The following FAT4 variants were observed in gnomAD, a reference collection of about 807,000 sequenced individuals.
FAT4 encodes FAT atypical cadherin 4.
A neutral mutation model predicts 303.9 loss-of-function variants in FAT4; 84 were observed. The ratio of observed to expected loss-of-function variants is 0.28; its 90% CI spans 0.23 to 0.33. FAT4 has a LOEUF of 0.33. FAT4 is among the 10% of genes least tolerant of loss of function. The probability of loss-of-function intolerance (pLI) is 1.00; values close to 1 mark genes in which losing one functional copy is unlikely to be tolerated. For missense variants in FAT4, 6,005 were observed against 6,146.8 expected (o/e 0.98, Z 0.77); for synonymous variants, 2,307 against 2,298.8 (o/e 1.00, Z -0.10).
At position 125,416,614 on chromosome 4, in the gene FAT4, C is replaced by T. The variant is rs1441794239; in HGVS notation, c.7010C>T (p.Thr2337Ile). ...KERFVLMITA[T>I]DSGSPALTGT... ...CGCTTTGTCTTAATGATTACAGCTA[C>T]AGATTCAGGTAAGTCCATTACACCC... The change falls in exon 7 of 18, where the codon ACA becomes ATA. Residue 2337 changes from threonine (T) to isoleucine (I), a missense_variant. Thr to Ile is a moderately conservative substitution (Grantham distance 89, BLOSUM62 -1). Transcript: ENST00000394329. 1 of 1,613,568 alleles carries T rather than the reference C, an allele frequency of 6.2e-7. No homozygotes were observed. Among genetic ancestry groups the T allele is most frequent in the African/African-American group, 1.3e-5 (1 of 74,988 alleles).
At chr4:125,363,805 T>C (rs941428204) in intron 2 of FAT4, among the ~76,000 whole-genome samples, 1 of 152,140 alleles carries the variant, frequency 6.6e-6, no homozygotes, top group Non-Finnish European at 1.5e-5. Flanking sequence ...GTAGCTTATT[T>C]TTTAAAACTA....
chr4:125,424,325 A>T (rs1317046549), intron 7 of FAT4, among the ~76,000 whole-genome samples: 1 of 152,026 alleles, frequency 6.6e-6, no homozygotes, highest in African/African-American at 2.4e-5. Flanking sequence ...TTCTCAGGAG[A>T]TGTGATGGTT....
chr4:125,464,088 T>C (rs995928537), intron 11 of FAT4, among the ~76,000 whole-genome samples: 2 of 152,184 alleles, frequency 1.3e-5, no homozygotes, highest in African/African-American at 4.8e-5. Flanking sequence ...TATTTTTGTT[T>C]TTTACATTAG....
At chr4:125,398,409 C>A (rs1419293715) in intron 2 of FAT4, among the ~76,000 whole-genome samples, 2 of 152,126 alleles carry the variant, frequency 1.3e-5, no homozygotes, top group East Asian at 1.9e-4. Flanking sequence ...TTTTATACCA[C>A]CTCCTCTGTT....
chr4:125,360,924 T>A (rs1347344547), intron 2 of FAT4, among the ~76,000 whole-genome samples: 1 of 121,310 alleles, frequency 8.2e-6, no homozygotes, highest in African/African-American at 2.8e-5. Flanking sequence ...TTATTTATTT[T>A]ATTTATTTAT....
In FAT4 at chr4:125,479,784, C is replaced by A. The variant is rs922292500; in HGVS notation, c.12523C>A (p.His4175Asn). 1 of 1,602,776 alleles carries A rather than the reference C, an allele frequency of 6.2e-7. No individual in the cohort carries two copies. The highest frequency in any genetic ancestry group is 1.3e-5 in the African/African-American group (1 of 74,962). Reference protein sequence around the residue: ...EGACTRSPCQHGGTCMDYWSW... With the variant: ...EGACTRSPCQNGGTCMDYWSW... The stretch of plus-strand genomic sequence containing the variant: ...CGCTTGTACTCGCAGCCCATGCCAA[C>A]ATGGTGGCACATGTATGGATTACTG... The change falls in exon 15 of 18, where the codon CAT becomes AAT. Residue 4175 changes from histidine to asparagine, a missense_variant. By Grantham distance (68) the His-to-Asn change is moderately conservative. Transcript: ENST00000394329.
At chr4:125,473,445 C>T (rs1284620305) in intron 12 of FAT4, among the ~76,000 whole-genome samples, 1 of 152,016 alleles carries the variant, frequency 6.6e-6, no homozygotes, top group Non-Finnish European at 1.5e-5. Context: ...ATCCAGCATT[C>T]TCTGGAAGAA....
chr4:125,477,606 G>A (rs1325993056), intron 14 of FAT4, among the ~76,000 whole-genome samples: 2 of 151,428 alleles, frequency 1.3e-5, no homozygotes, highest in Non-Finnish European at 2.9e-5. Flanking sequence ...ACAGAGAGTT[G>A]TGAAGATTAA....
intron 10 of FAT4, among the ~76,000 whole-genome samples, chr4:125,456,478 T>G (rs981622483): frequency 2.6e-5 from 4 of 151,944 alleles, no homozygotes; most frequent in Admixed American, 1.3e-4. Context: ...TAAATCAAGT[T>G]TCAAATTCTG....
In FAT4 at chr4:125,491,086, G is replaced by A; in HGVS notation, c.14270G>A (p.Ser4757Asn). Residue 4757 changes from serine (S) to asparagine (N), a missense_variant, in exon 18 of 18, where the codon AGT becomes AAT. Ser to Asn is a conservative substitution (Grantham distance 46, BLOSUM62 1). Coordinates refer to ENST00000394329, the MANE Select transcript of FAT4 (RefSeq NM_001291303.3). ...ACAAGGCTGGGAAGGAGAAGCAAGA[G>A]TCCTCAGGCCATGGCATCACATGGT... Reference protein sequence around the residue: ...YATRLGRRSKSPQAMASHGSR... With the variant: ...YATRLGRRSKNPQAMASHGSR... The A allele has an allele frequency of 6.2e-7, 1 of 1,614,198 alleles. No individual in the cohort carries two copies. The highest frequency in any genetic ancestry group is 8.5e-7 in the Non-Finnish European group (1 of 1,180,038).
At position 125,393,270 on chromosome 4, in the gene FAT4, A is replaced by G. The variant is rs1057497104; in HGVS notation, c.5176-5514A>G. Among the ~76,000 whole-genome samples the G allele has an allele frequency of 1.2e-4, 19 of 152,308 alleles. No individual in the cohort carries two copies. The South Asian group carries it at 2.9e-3, about 23-fold the overall frequency. On this transcript the variant is annotated intron_variant, in intron 2 of 17. Transcript: ENST00000394329. ...GCAGAGAGGATATGCATTTAAGAAT[A>G]TGTTTAGAATTGTGGTTGAGGTGGC...
intron 11 of FAT4, among the ~76,000 whole-genome samples, chr4:125,465,333 T>C (rs934606302): frequency 3.9e-5 from 6 of 152,202 alleles, no homozygotes; most frequent in Non-Finnish European, 8.8e-5. Flanking sequence ...AAAAACTTTT[T>C]CTTTCTTTCA....
intron 2 of FAT4, among the ~76,000 whole-genome samples, chr4:125,323,287 T>A (rs538283767): frequency 1.2e-4 from 18 of 152,330 alleles, no homozygotes; most frequent in Admixed American, 5.2e-4. Context: ...GTGTCTTTTT[T>A]ATTTACCCAT....
chr4:125,316,668 G>T lies in FAT4; in HGVS notation c.257G>T (p.Ser86Ile). ...ESHALFAINS[S>I]TGALYTTSTI... ...CACGCCCTGTTTGCCATAAACAGTA[G>T]CACCGGAGCCCTGTACACCACCTCC... Residue 86 changes from serine to isoleucine, a missense_variant, in exon 2 of 18, where the codon AGC (serine) becomes ATC (isoleucine). Coordinates refer to ENST00000394329, the MANE Select transcript of FAT4 (RefSeq NM_001291303.3). This position sits in a 1 kb window ranked among gnomAD's most constrained non-coding sequence, Gnocchi z 5.7. 1.2e-6 allele frequency: 2 copies of T among 1,613,610 alleles called. No individual in the cohort carries two copies. The highest frequency in any genetic ancestry group is 1.1e-5 in the South Asian group (1 of 91,078).
At position 125,482,139 on chromosome 4, in the gene FAT4, T is replaced by C. The variant is rs184782697; in HGVS notation, c.12822+401T>C. Among the ~76,000 whole-genome samples the C allele has an allele frequency of 8.4e-4, 128 of 152,330 alleles. 1 individual carries two copies. Among genetic ancestry groups the C allele is most frequent in the African/African-American group, 2.9e-3 (122 of 41,586 alleles). ...CAATTATTTCAAATATTGATATGTA[T>C]ATGTCAATTGACAGGATTAGAATAA... On this transcript the variant is annotated intron_variant, in intron 16 of 17. Coordinates refer to ENST00000394329, the MANE Select transcript of FAT4 (RefSeq NM_001291303.3).
At chr4:125,374,891 A>G (rs1297580217) in intron 2 of FAT4, among the ~76,000 whole-genome samples, 1 of 152,222 alleles carries the variant, frequency 6.6e-6, no homozygotes, top group Non-Finnish European at 1.5e-5. Context: ...AAAAGAGCAC[A>G]TTTATTTCTA....
chr4:125,392,719 G>T (rs2126008067), intron 2 of FAT4, among the ~76,000 whole-genome samples: 1 of 152,220 alleles, frequency 6.6e-6, no homozygotes, highest in Non-Finnish European at 1.5e-5. Context: ...GGCAAGAAGT[G>T]AATAAAATGT....
intron 2 of FAT4, among the ~76,000 whole-genome samples, chr4:125,343,939 G>A (rs1175179671): frequency 1.3e-5 from 2 of 152,142 alleles, no homozygotes; most frequent in African/African-American, 4.8e-5. Flanking sequence ...TCTGGATCAT[G>A]TTGTGTTCTA....
intron 2 of FAT4, among the ~76,000 whole-genome samples, chr4:125,334,402 A>T (rs1384257315): frequency 6.6e-6 from 1 of 152,036 alleles, no homozygotes; most frequent in South Asian, 2.1e-4. Flanking sequence ...AAGATCCTGG[A>T]TCCACCAACA....
Sources: gnomAD v4.1 joint callset for allele counts (sites outside exome capture counted in the v4.1 genomes callset) on GRCh38, gnomAD v4.1.1 for gene constraint, Gnocchi (gnomAD v3.1) non-coding constraint, MANE v1.5 for transcripts, NCBI Gene and HGNC (gene_info 2026-07-23, HGNC 2026-07-21) for gene names.